KSR2: variants seen among roughly 807,000 people sequenced by gnomAD.
KSR2 encodes kinase suppressor of ras 2.
In KSR2, 25 loss-of-function variants were observed where a neutral mutation model predicts 107.8. That is an observed-to-expected ratio of 0.23 (90% CI 0.17 to 0.32). The LOEUF is 0.32. Ranked by LOEUF, KSR2 falls within the 10% of genes least tolerant of loss-of-function variation. KSR2 has a pLI of 1.00. For synonymous variants in KSR2, 480 were observed against 507.0 expected, an observed-to-expected ratio of 0.95 and a Z score of 0.71; for missense variants, 887 against 1,268.9, an observed-to-expected ratio of 0.70 and a Z score of 4.57.
At chr12:117,666,110 C>T (rs927281561) in intron 5 of KSR2, among the ~76,000 whole-genome samples, 6 of 152,146 alleles carry the variant, frequency 3.9e-5, no homozygotes, top group African/African-American at 1.4e-4. Context: ...GCCTGCCTAA[C>T]CTGGGCACCA....
At chr12:117,582,193 A>G in intron 6 of KSR2, 97 bp downstream of exon 6, 1 of 1,015,886 alleles carries the variant, frequency 9.8e-7, no homozygotes, top group South Asian at 1.4e-5. Context: ...CTGGAGCTCA[A>G]TAGCCTAGCC....
intron 4 of KSR2, among the ~76,000 whole-genome samples, chr12:117,747,245 T>C (rs369917431): frequency 6.6e-6 from 1 of 152,158 alleles, no homozygotes; most frequent in African/African-American, 2.4e-5. Flanking sequence ...TGGAATACTA[T>C]GCAGCCATAA....
At chr12:117,491,788 A>C (rs1209559762) in intron 14 of KSR2, among the ~76,000 whole-genome samples, 1 of 152,192 alleles carries the variant, frequency 6.6e-6, no homozygotes, top group Non-Finnish European at 1.5e-5. Context: ...AATGCAGGCC[A>C]CCTGGATCTG....
intron 4 of KSR2, among the ~76,000 whole-genome samples, chr12:117,753,945 A>AGTGT (rs1888695861): frequency 8.0e-6 from 1 of 125,506 alleles, no homozygotes; most frequent in African/African-American, 3.0e-5. Context: ...GAAAGTATAG[A>AGTGT]GCGTGTGTGT....
chr12:117,776,872 T>C (rs1889702035), intron 3 of KSR2, among the ~76,000 whole-genome samples: 1 of 152,008 alleles, frequency 6.6e-6, no homozygotes. Context: ...TGGAACTGTT[T>C]TGTTATACAA....
chr12:117,598,533 A>C (rs1880766084), intron 5 of KSR2, among the ~76,000 whole-genome samples: 1 of 152,054 alleles, frequency 6.6e-6, no homozygotes. Context: ...TCTTTAAGGA[A>C]TCTCCTTACT....
Position 117,792,971 on chromosome 12 carries a change from GCA to G in KSR2, c.473-31449_473-31448del, listed in dbSNP as rs372426379. On this transcript the variant is annotated intron_variant, in intron 3 of 19. Transcript: ENST00000339824. Reference sequence around the variant, plus strand: ...TCACACCAACGTGCACACACAACATGCACACACTCTCACACCAACATGCACGC... The same window carrying G: ...TCACACCAACGTGCACACACAACATGCACACTCTCACACCAACATGCACGC... Among the ~76,000 whole-genome samples, 755 of 121,024 alleles carry G rather than the reference GCA, an allele frequency of 6.2e-3. 5 individuals are homozygous for G. Among genetic ancestry groups the G allele is most frequent in the African/African-American group, 0.023 (693 of 30,722 alleles). 79.4% of individuals were successfully genotyped at this position (121,024 alleles called of 152,430 possible). A position where few individuals can be genotyped will look rare whatever the true frequency, so the allele number is the denominator to read the frequency against.
intron 4 of KSR2, among the ~76,000 whole-genome samples, chr12:117,701,030 C>T (rs1276956580): frequency 6.6e-6 from 1 of 152,188 alleles, no homozygotes; most frequent in African/African-American, 2.4e-5. Context: ...CTTTTAGCTC[C>T]ACCTGACTGC....
intron 3 of KSR2, among the ~76,000 whole-genome samples, chr12:117,821,258 C>A (rs1269994057): frequency 6.6e-6 from 1 of 152,000 alleles, no homozygotes; most frequent in Non-Finnish European, 1.5e-5. Flanking sequence ...CCTAGAACAA[C>A]ACAGGTTTTA....
chr12:117,918,864 GGA>G (rs1057299458), intron 1 of KSR2, among the ~76,000 whole-genome samples: 3 of 152,096 alleles, frequency 2.0e-5, no homozygotes, highest in African/African-American at 7.2e-5. Flanking sequence ...CAGCACTTTG[GGA>G]GACCAAGGTG....
intron 3 of KSR2, among the ~76,000 whole-genome samples, chr12:117,848,853 A>ATGGTGGTGGG (rs1566048445): frequency 2.1e-5 from 2 of 96,722 alleles, no homozygotes; most frequent in Non-Finnish European, 5.5e-5. Context: ...GATGGTGATG[A>ATGGTGGTGGG]TGGTGATGAT....
intron 1 of KSR2, among the ~76,000 whole-genome samples, chr12:117,962,018 G>A (rs1374725409): frequency 6.6e-6 from 1 of 151,890 alleles, no homozygotes; most frequent in Non-Finnish European, 1.5e-5. Flanking sequence ...AGTGACATGT[G>A]GCTGTAGTCT....
At chr12:117,592,018 A>G (rs570104738) in intron 5 of KSR2, among the ~76,000 whole-genome samples, 381 of 152,174 alleles carry the variant, frequency 2.5e-3, no homozygotes, top group African/African-American at 9.0e-3. Flanking sequence ...CGAAAAAAAA[A>G]AGGTTATACT....
rs1283837908 is a variant in KSR2 at position 117,855,422 on chromosome 12, G to A, written c.472+6C>T. The A allele has an allele frequency of 6.2e-7, 1 of 1,614,032 alleles. No individual in the cohort carries two copies. Among genetic ancestry groups the A allele is most frequent in the South Asian group, 1.1e-5 (1 of 91,088 alleles). ...CTCCACATCCCCGACCCCGGGGCCT[G>A]CTCACCTGACATGTGGACATTCCTG... On this transcript the variant is annotated splice_donor_region_variant and intron_variant, in intron 3 of 19. Transcript: ENST00000339824.
chr12:117,692,906 T>C (rs582002), intron 4 of KSR2, among the ~76,000 whole-genome samples: 112,115 of 152,026 alleles, frequency 0.74, 43,236 homozygotes, highest in Middle Eastern at 0.88. Flanking sequence ...AGCTAGGGAA[T>C]TGGGAGTAAC....
intron 5 of KSR2, among the ~76,000 whole-genome samples, chr12:117,584,421 G>A (rs533099146): frequency 1.3e-5 from 2 of 152,288 alleles, no homozygotes; most frequent in East Asian, 3.9e-4. Context: ...TGGCGCTGGA[G>A]AGGAAGGGTT....
intron 4 of KSR2, among the ~76,000 whole-genome samples, chr12:117,756,698 T>G (rs1565997677): frequency 6.6e-6 from 1 of 152,196 alleles, no homozygotes; most frequent in African/African-American, 2.4e-5. Context: ...AGAAATACAT[T>G]TTATAAGGCT....
chr12:117,801,021 G>A (rs182991427), intron 3 of KSR2, among the ~76,000 whole-genome samples: 3 of 152,236 alleles, frequency 2.0e-5, no homozygotes, highest in Non-Finnish European at 4.4e-5. Flanking sequence ...GGTTGGTTCC[G>A]AGTCTTTGCT....
intron 4 of KSR2, among the ~76,000 whole-genome samples, chr12:117,740,480 C>T: frequency 1.7e-5 from 2 of 114,540 alleles, no homozygotes; most frequent in South Asian, 2.8e-4. Flanking sequence ...TAATATATAA[C>T]ATATAATATA....
Sources: gnomAD v4.1 joint callset for allele counts (sites outside exome capture counted in the v4.1 genomes callset) on GRCh38, gnomAD v4.1.1 for gene constraint, MANE v1.5 for transcripts, NCBI Gene and HGNC (gene_info 2026-07-23, HGNC 2026-07-21) for gene names.